Variants in SPON1 observed in about 807,000 individuals in gnomAD.
SPON1 encodes the protein spondin 1.
Under a neutral mutation model 111.7 loss-of-function variants are expected in SPON1, and 52 were observed. The ratio of observed to expected loss-of-function variants is 0.47; its 90% CI spans 0.37 to 0.59. SPON1 has a LOEUF of 0.59. Among genes scored for constraint, SPON1 ranks in the 20% least tolerant of loss-of-function variants. The pLI is 0.00. For synonymous variants in SPON1, 410 were observed against 395.8 expected (o/e 1.04, Z -0.43); for missense variants, 957 against 1,068.5 (o/e 0.90, Z 1.46).
chr11:14,216,280 C>G (rs1848625266), intron 6 of SPON1, among the ~76,000 whole-genome samples: 1 of 152,160 alleles, frequency 6.6e-6, no homozygotes. Flanking sequence ...CCTGTACCTG[C>G]AAAGGGTTTT....
intron 3 of SPON1, among the ~76,000 whole-genome samples, chr11:14,068,207 T>C (rs1304880159): frequency 6.6e-6 from 1 of 152,148 alleles, no homozygotes; most frequent in Non-Finnish European, 1.5e-5. Context: ...TATGATGAAG[T>C]TGAACAATAT....
intron 6 of SPON1, among the ~76,000 whole-genome samples, chr11:14,207,675 C>G (rs781922763): frequency 1.1e-4 from 17 of 152,118 alleles, no homozygotes; most frequent in Admixed American, 6.5e-5. Flanking sequence ...CCATCTCACA[C>G]CACTCAGAAT....
chr11:14,080,292 A>G (rs1554921926), intron 5 of SPON1, among the ~76,000 whole-genome samples: 8 of 151,580 alleles, frequency 5.3e-5, no homozygotes, highest in Non-Finnish European at 1.5e-5. Context: ...GCAGTGGCAC[A>G]ATCTCGGCTC....
In SPON1 at chr11:13,982,944, G is replaced by C. The variant is rs1554909882; in HGVS notation, c.336G>C (p.Gly112=). The C allele has an allele frequency of 6.4e-7, 1 of 1,550,872 alleles. No homozygotes were observed. The highest frequency in any genetic ancestry group is 1.9e-5 in the Admixed American group (1 of 51,340). The change falls in exon 2 of 16, where the codon GGG becomes GGC. Residue 112 remains glycine (G), a synonymous_variant. Coordinates refer to ENST00000576479, the MANE Select transcript of SPON1 (RefSeq NM_006108.4). ...GTGATAAGGAAGAAGACCATGCTGGGACCTTCCAGGTAAGACCCTGCCTGG... is the reference window on the plus strand; with the variant it reads ...GTGATAAGGAAGAAGACCATGCTGGCACCTTCCAGGTAAGACCCTGCCTGG... ...REGDKEEDHA[G]TFQIIDEEET... is the part of the protein sequence containing the mutation.
chr11:13,986,230 C>T (rs1848181478), intron 2 of SPON1, among the ~76,000 whole-genome samples: 2 of 152,038 alleles, frequency 1.3e-5, no homozygotes, highest in African/African-American at 2.4e-5. Context: ...CATAAGCCAA[C>T]AATCAGAAAG....
chr11:14,264,709 AAT>A (rs1251180840), intron 15 of SPON1, among the ~76,000 whole-genome samples: 1 of 152,198 alleles, frequency 6.6e-6, no homozygotes, highest in Non-Finnish European at 1.5e-5. Context: ...GTGGTTAACA[AAT>A]ATCTCATGTG....
chr11:14,052,749 T>A lies in SPON1; in HGVS notation c.479+11095T>A, dbSNP rs1208638612. 2.0e-5 allele frequency among the ~76,000 whole-genome samples: 3 copies of A among 152,180 alleles called. No individual in the cohort carries two copies. The East Asian group carries it at 5.8e-4, about 29-fold the overall frequency. ...GCATGGCTCCAGGGGATCAGTCCAA[T>A]GGCAGCAGAGTTTCATTCAACAGCT... On this transcript the variant is annotated intron_variant, in intron 3 of 15. Coordinates refer to ENST00000576479, the MANE Select transcript of SPON1 (RefSeq NM_006108.4).
chr11:14,154,850 C>A (rs1394204245), intron 6 of SPON1, among the ~76,000 whole-genome samples: 1 of 152,114 alleles, frequency 6.6e-6, no homozygotes, highest in Non-Finnish European at 1.5e-5. Flanking sequence ...AGCAGCCAGG[C>A]CACATCTTGG....
chr11:14,083,283 A>G (rs1354346958), intron 5 of SPON1, among the ~76,000 whole-genome samples: 1 of 152,204 alleles, frequency 6.6e-6, no homozygotes, highest in Non-Finnish European at 1.5e-5. Context: ...TTCAACTTAG[A>G]TTCAAAATAG....
intron 3 of SPON1, among the ~76,000 whole-genome samples, chr11:14,053,416 T>C (rs1848722239): frequency 6.6e-6 from 1 of 152,108 alleles, no homozygotes; most frequent in Admixed American, 6.5e-5. Context: ...CTTTTGTGTC[T>C]AGCTTTTTTT....
intron 2 of SPON1, among the ~76,000 whole-genome samples, chr11:13,984,883 C>T (rs1445813060): frequency 6.6e-6 from 1 of 152,222 alleles, no homozygotes; most frequent in African/African-American, 2.4e-5. Flanking sequence ...GTCCAGACCT[C>T]AGTCCTATTT....
chr11:14,067,687 C>T (rs1460234424), intron 3 of SPON1, among the ~76,000 whole-genome samples: 4 of 152,138 alleles, frequency 2.6e-5, no homozygotes, highest in South Asian at 2.1e-4. Flanking sequence ...GCAAACTTCC[C>T]GTTATGTTAC....
intron 5 of SPON1, among the ~76,000 whole-genome samples, chr11:14,122,896 T>C (rs1232836703): frequency 2.0e-5 from 3 of 151,838 alleles, no homozygotes; most frequent in African/African-American, 4.8e-5. Flanking sequence ...TTTTCCTGAT[T>C]TGGGGTTACA....
chr11:14,258,577 T>C (rs1849136477), intron 11 of SPON1, among the ~76,000 whole-genome samples: 2 of 152,168 alleles, frequency 1.3e-5, no homozygotes, highest in African/African-American at 4.8e-5. Flanking sequence ...GGGAAGGCAC[T>C]GTATAGGCTG....
intron 5 of SPON1, among the ~76,000 whole-genome samples, chr11:14,120,517 C>T (rs555584199): frequency 5.3e-5 from 8 of 152,226 alleles, no homozygotes; most frequent in Non-Finnish European, 1.5e-5. Flanking sequence ...CTTCTGGAAA[C>T]TTCTGTCTGT....
chr11:14,061,338 T>C (rs1440446159), intron 3 of SPON1, among the ~76,000 whole-genome samples: 6 of 152,240 alleles, frequency 3.9e-5, no homozygotes, highest in African/African-American at 1.4e-4. Context: ...TGTACACAAC[T>C]ATCATCTATC....
intron 2 of SPON1, among the ~76,000 whole-genome samples, chr11:13,991,453 G>A (rs1554911203): frequency 6.6e-6 from 1 of 152,056 alleles, no homozygotes; most frequent in Non-Finnish European, 1.5e-5. Context: ...CTCTACACTG[G>A]TTATTCTAGT....
chr11:14,095,480 A>T (rs191254898), intron 5 of SPON1, among the ~76,000 whole-genome samples: 1 of 152,258 alleles, frequency 6.6e-6, no homozygotes, highest in Admixed American at 6.5e-5. Flanking sequence ...ATTGGCTCAC[A>T]TGATTATGGA....
intron 6 of SPON1, among the ~76,000 whole-genome samples, chr11:14,165,478 C>T (rs1848018547): frequency 6.6e-6 from 1 of 152,064 alleles, no homozygotes; most frequent in Non-Finnish European, 1.5e-5. Flanking sequence ...GTTTTCAAGG[C>T]TTGCATGGCA....
Sources: gnomAD v4.1 joint callset for allele counts (sites outside exome capture counted in the v4.1 genomes callset) on GRCh38, gnomAD v4.1.1 for gene constraint, MANE v1.5 for transcripts, NCBI Gene and HGNC (gene_info 2026-07-23, HGNC 2026-07-21) for gene names.